The following REPS2 variants were observed in gnomAD, a reference collection of about 807,000 sequenced individuals.
REPS2 encodes RALBP1 associated Eps domain containing 2.
In REPS2, 23 loss-of-function variants were observed where a neutral mutation model predicts 53.6. That is an observed-to-expected ratio of 0.43 (90% CI 0.31 to 0.61). The LOEUF is 0.61. REPS2 is among the 20% of genes least tolerant of loss of function. The pLI, the probability that REPS2 is intolerant of heterozygous loss-of-function variation, is 0.11. For missense variants in REPS2, 446 were observed against 534.9 expected (o/e 0.83, Z 1.64); for synonymous variants, 238 against 218.6 (o/e 1.09, Z -0.78).
chrX:16,982,414 G>A (rs1174059085), intron 1 of REPS2, among the ~76,000 whole-genome samples: 3 of 111,951 alleles, frequency 2.7e-5, no homozygotes, highest in Admixed American at 9.5e-5. Flanking sequence ...AATCCCTGAA[G>A]CACTTTTAGG....
chrX:16,953,360 A>G, intron 1 of REPS2, among the ~76,000 whole-genome samples: 1 of 111,570 alleles, frequency 9.0e-6, no homozygotes, highest in East Asian at 2.8e-4. Context: ...CCAAGAAATA[A>G]CTGTGTATCC....
At chrX:16,989,426 G>A (rs1249297931) in intron 1 of REPS2, among the ~76,000 whole-genome samples, 2 of 111,425 alleles carry the variant, frequency 1.8e-5, no homozygotes, top group African/African-American at 6.5e-5. Flanking sequence ...ATCCATAAAA[G>A]AATTGATAAA....
At chrX:16,981,269 A>G (rs1284703579) in intron 1 of REPS2, among the ~76,000 whole-genome samples, 1 of 111,737 alleles carries the variant, frequency 8.9e-6, no homozygotes, top group East Asian at 2.8e-4. Context: ...GCTTTGCCTT[A>G]TCCTGGTGGG....
chrX:17,113,278 A>G (rs2063001326), intron 14 of REPS2, among the ~76,000 whole-genome samples: 1 of 106,736 alleles, frequency 9.4e-6, no homozygotes, highest in South Asian at 4.3e-4. Context: ...AACTTTAGCT[A>G]GACTGACCAA....
At chrX:17,131,827 A>G (rs1381831283) in intron 14 of REPS2, among the ~76,000 whole-genome samples, 1 of 109,778 alleles carries the variant, frequency 9.1e-6, no homozygotes, top group African/African-American at 3.3e-5. Context: ...CATTCCACTC[A>G]GCACCCTTGA....
intron 14 of REPS2, among the ~76,000 whole-genome samples, chrX:17,110,451 G>A (rs769716728): frequency 9.9e-4 from 106 of 106,727 alleles, no homozygotes; most frequent in African/African-American, 3.5e-3. Context: ...TTGGGAGGCC[G>A]AGGTGGGTGG....
chrX:17,185,162 G>T, the REPS2 span, among the ~76,000 whole-genome samples: 2 of 110,755 alleles, frequency 1.8e-5, no homozygotes, highest in African/African-American at 6.6e-5. Context: ...GTTTATAATG[G>T]TCTTCGTTGG....
intron 9 of REPS2, among the ~76,000 whole-genome samples, chrX:17,067,028 T>C (rs746219136): frequency 1.8e-5 from 2 of 112,344 alleles, no homozygotes; most frequent in African/African-American, 3.2e-5. Flanking sequence ...AATTAACTTT[T>C]TGGAACACCA....
intron 1 of REPS2, among the ~76,000 whole-genome samples, chrX:16,985,540 G>A (rs1302186533): frequency 8.9e-6 from 1 of 111,949 alleles, no homozygotes; most frequent in Non-Finnish European, 1.9e-5. Flanking sequence ...CTGTTGACTT[G>A]ACATCCTGTG....
intron 1 of REPS2, among the ~76,000 whole-genome samples, chrX:16,972,835 T>G (rs2060911039): frequency 9.0e-6 from 1 of 111,583 alleles, no homozygotes; most frequent in Admixed American, 9.5e-5. Context: ...TTTATATTCC[T>G]CACCCTGCTC....
chrX:17,103,313 G>A (rs756084759), intron 13 of REPS2, among the ~76,000 whole-genome samples: 6 of 111,715 alleles, frequency 5.4e-5, no homozygotes, highest in Non-Finnish European at 1.1e-4. Flanking sequence ...CCTACTCATT[G>A]AGCTAATGAG....
At chrX:16,992,395 G>A (rs1267622646) in intron 1 of REPS2, among the ~76,000 whole-genome samples, 1 of 111,987 alleles carries the variant, frequency 8.9e-6, no homozygotes, top group Non-Finnish European at 1.9e-5. Flanking sequence ...GTATTTTGTT[G>A]TAGCAGCCCC....
At chrX:17,050,089 C>G (rs780784403) in intron 6 of REPS2, among the ~76,000 whole-genome samples, 1 of 103,875 alleles carries the variant, frequency 9.6e-6, no homozygotes, top group African/African-American at 3.6e-5. Context: ...ATCTTTTATA[C>G]CATATTTTTA....
chrX:17,146,240 A>G (rs1485752023), intron 17 of REPS2, among the ~76,000 whole-genome samples: 4 of 110,939 alleles, frequency 3.6e-5, no homozygotes, highest in African/African-American at 9.9e-5. Flanking sequence ...TTTCCTGCCA[A>G]TGTCTTCCTT....
chrX:16,948,823 G>C (rs1296771331), intron 1 of REPS2, among the ~76,000 whole-genome samples: 1 of 112,167 alleles, frequency 8.9e-6, no homozygotes, highest in Non-Finnish European at 1.9e-5. Context: ...GCAAAAGACT[G>C]CTTCAGATAC....
At chrX:17,061,552 T>A (rs2147953322) in intron 8 of REPS2, among the ~76,000 whole-genome samples, 1 of 113,080 alleles carries the variant, frequency 8.8e-6, no homozygotes, top group African/African-American at 3.2e-5. Context: ...TTGATTCAAA[T>A]TTTTTTAAAC....
intron 1 of REPS2, among the ~76,000 whole-genome samples, chrX:16,976,503 A>G (rs1474363653): frequency 1.8e-5 from 2 of 111,190 alleles, no homozygotes; most frequent in Admixed American, 1.9e-4. Flanking sequence ...ACCTGGTTTG[A>G]TAGGTATAAA....
intron 1 of REPS2, among the ~76,000 whole-genome samples, chrX:16,996,137 G>A (rs58629688): frequency 0.035 from 3,903 of 111,268 alleles, 178 homozygotes; most frequent in African/African-American, 0.12. Flanking sequence ...ATGAGGTGCA[G>A]GACAAAGACA....
chrX:16,966,099 GGAAAGA>G (rs1025712964), intron 1 of REPS2, among the ~76,000 whole-genome samples: 83 of 112,538 alleles, frequency 7.4e-4, no homozygotes, highest in Middle Eastern at 9.3e-3. Context: ...GGGAGACTGT[GGAAAGA>G]GAGGGAGAGG....
Sources: allele counts gnomAD v4.1 joint callset (sites outside exome capture counted in the v4.1 genomes callset), GRCh38; gene constraint gnomAD v4.1.1; transcripts MANE v1.5; gene names NCBI Gene and HGNC (gene_info 2026-07-23, HGNC 2026-07-21).